Variants in TASP1 observed in about 807,000 individuals in gnomAD.
TASP1 encodes taspase 1, also known as threonine aspartase 1.
A neutral mutation model predicts 56.6 loss-of-function variants in TASP1; 16 were observed. That is an observed-to-expected ratio of 0.28 (90% confidence interval 0.19 to 0.43). The LOEUF (loss-of-function observed/expected upper bound fraction) is 0.43, where lower values mean the gene tolerates loss of function less well. Ranked by LOEUF, TASP1 falls within the 20% of genes least tolerant of loss-of-function variation. The pLI is 1.00. For synonymous variants in TASP1, 179 were observed against 184.2 expected, an observed-to-expected ratio of 0.97 and a Z score of 0.23; for missense variants, 393 against 511.6, an observed-to-expected ratio of 0.77 and a Z score of 2.24.
intron 13 of TASP1, among the ~76,000 whole-genome samples, chr20:13,417,109 G>A (rs2042281999): frequency 3.3e-5 from 5 of 152,110 alleles, no homozygotes; most frequent in Admixed American, 3.3e-4. Context: ...ATCCATCTAT[G>A]TCAGCTCATC....
At chr20:13,588,285 GGA>G (rs1568618058) in intron 4 of TASP1, among the ~76,000 whole-genome samples, 1 of 137,358 alleles carries the variant, frequency 7.3e-6, no homozygotes, top group East Asian at 2.2e-4. Context: ...AAGGAAGGAA[GGA>G]AGGAAGGAAG....
At chr20:13,605,207 G>T (rs111516783) in intron 4 of TASP1, among the ~76,000 whole-genome samples, 1 of 152,098 alleles carries the variant, frequency 6.6e-6, no homozygotes, top group East Asian at 1.9e-4. Context: ...GGATAGGTAT[G>T]AGGGAAATTT....
chr20:13,421,266 G>C lies in TASP1; in HGVS notation c.1097-3745C>G, dbSNP rs186756282. Among the ~76,000 whole-genome samples, 117 of 151,856 alleles carry C rather than the reference G, an allele frequency of 7.7e-4. 1 individual carries two copies. The highest frequency in any genetic ancestry group is 2.4e-3 in the African/African-American group (100 of 41,424). ...ATTTTTGTATTTTTAGTAGAGACAGGGTTTCACCATGTCAGCCAGGCTGGT... is the reference window on the plus strand; with the variant it reads ...ATTTTTGTATTTTTAGTAGAGACAGCGTTTCACCATGTCAGCCAGGCTGGT... On this transcript the variant is annotated intron_variant, in intron 12 of 13. Coordinates refer to ENST00000337743, the MANE Select transcript of TASP1 (RefSeq NM_017714.3).
chr20:13,497,513 C>T (rs1389788115), intron 10 of TASP1, among the ~76,000 whole-genome samples: 1 of 152,184 alleles, frequency 6.6e-6, no homozygotes, highest in African/African-American at 2.4e-5. Flanking sequence ...GAAATTCCCC[C>T]TTCCTAAAGC....
At chr20:13,157,273 C>A in the TASP1 span, among the ~76,000 whole-genome samples, 173 of 143,460 alleles carry the variant, frequency 1.2e-3, no homozygotes, top group Non-Finnish European at 1.1e-3. Flanking sequence ...ACTAAAAGTA[C>A]AAAAAAAAAA....
the TASP1 span, among the ~76,000 whole-genome samples, chr20:13,265,670 T>C: frequency 2.6e-5 from 4 of 152,196 alleles, no homozygotes; most frequent in African/African-American, 9.7e-5. Context: ...CTTGCAATTG[T>C]GATAGTATTT....
At chr20:13,529,055 T>G (rs2045107346) in intron 9 of TASP1, among the ~76,000 whole-genome samples, 1 of 152,140 alleles carries the variant, frequency 6.6e-6, no homozygotes, top group Non-Finnish European at 1.5e-5. Context: ...CTTTTCCATG[T>G]CTGTGTTGAC....
chr20:13,506,259 T>A (rs969721265), intron 10 of TASP1, among the ~76,000 whole-genome samples: 1 of 152,050 alleles, frequency 6.6e-6, no homozygotes, highest in African/African-American at 2.4e-5. Context: ...TAATCAAGAA[T>A]CTCTCATCCA....
intron 10 of TASP1, among the ~76,000 whole-genome samples, chr20:13,500,651 G>C (rs1026083944): frequency 7.9e-5 from 12 of 151,918 alleles, no homozygotes; most frequent in African/African-American, 2.4e-4. Flanking sequence ...GTGGGCTTTA[G>C]AGCAAGCAAA....
the TASP1 span, among the ~76,000 whole-genome samples, chr20:13,274,052 C>A: frequency 9.6e-6 from 1 of 103,748 alleles, no homozygotes; most frequent in South Asian, 3.7e-4. Flanking sequence ...CTTCTGTTGG[C>A]GTGTAATTGT....
intron 10 of TASP1, among the ~76,000 whole-genome samples, chr20:13,522,058 G>C (rs1012234002): frequency 6.6e-6 from 1 of 152,130 alleles, no homozygotes; most frequent in Non-Finnish European, 1.5e-5. Flanking sequence ...CCCCTATGGC[G>C]GGAGTGTGCG....
chr20:13,158,271 C>T, the TASP1 span, among the ~76,000 whole-genome samples: 4 of 152,104 alleles, frequency 2.6e-5, no homozygotes. Context: ...AACACAGAGG[C>T]TCATTATATA....
At chr20:13,617,647 T>C (rs2048568673) in intron 4 of TASP1, among the ~76,000 whole-genome samples, 1 of 152,150 alleles carries the variant, frequency 6.6e-6, no homozygotes, top group South Asian at 2.1e-4. Flanking sequence ...TACAGGAAAC[T>C]GGAGATGCTC....
At chr20:13,628,607 A>C (rs2048980753) in intron 2 of TASP1, among the ~76,000 whole-genome samples, 1 of 152,156 alleles carries the variant, frequency 6.6e-6, no homozygotes, top group South Asian at 2.1e-4. Context: ...GCCAAACGTT[A>C]ATGGCCAGGC....
chr20:13,581,517 C>G (rs1022970747), intron 5 of TASP1, among the ~76,000 whole-genome samples: 10 of 152,086 alleles, frequency 6.6e-5, no homozygotes, highest in Admixed American at 2.0e-4. Context: ...AAATGTCCTT[C>G]AAATTGGGTA....
the TASP1 span, among the ~76,000 whole-genome samples, chr20:13,363,675 G>C: frequency 2.6e-5 from 4 of 152,192 alleles, no homozygotes; most frequent in Non-Finnish European, 5.9e-5. Flanking sequence ...TTGTGGAACT[G>C]AGCCTTCAAC....
chr20:13,312,279 C>T, the TASP1 span, among the ~76,000 whole-genome samples: 41 of 152,206 alleles, frequency 2.7e-4, no homozygotes, highest in East Asian at 6.0e-3. Flanking sequence ...AGTTCACAGC[C>T]GGCATATGTG....
chr20:13,247,561 G>GTGT, the TASP1 span, among the ~76,000 whole-genome samples: 1 of 133,426 alleles, frequency 7.5e-6, no homozygotes, highest in Middle Eastern at 3.8e-3. Context: ...TGTGTGTGTA[G>GTGT]GTAGGTAGGA....
chr20:13,173,648 C>T, the TASP1 span, among the ~76,000 whole-genome samples: 2 of 152,096 alleles, frequency 1.3e-5, no homozygotes, highest in African/African-American at 4.8e-5. Flanking sequence ...ATATGCTCCT[C>T]AGGATATGAA....
Sources: allele counts gnomAD v4.1 joint callset (sites outside exome capture counted in the v4.1 genomes callset), GRCh38; gene constraint gnomAD v4.1.1; transcripts MANE v1.5; gene names NCBI Gene and HGNC (gene_info 2026-07-23, HGNC 2026-07-21).